ATF2: variants seen among roughly 807,000 people sequenced by gnomAD.
ATF2 encodes activating transcription factor 2.
In ATF2, 24 loss-of-function variants were observed where a neutral mutation model predicts 60.6. The ratio of observed to expected loss-of-function variants is 0.40; its 90% CI spans 0.29 to 0.56. The LOEUF (loss-of-function observed/expected upper bound fraction) is 0.56, where lower values mean the gene tolerates loss of function less well. ATF2 is among the 20% of genes least tolerant of loss of function. ATF2 has a pLI of 0.54. For synonymous variants in ATF2, 206 were observed against 215.4 expected (o/e 0.96, Z 0.38); for missense variants, 433 against 607.7 (o/e 0.71, Z 3.02).
chr2:175,088,715 GCTA>G (rs943870079), intron 12 of ATF2, among the ~76,000 whole-genome samples: 30 of 152,184 alleles, frequency 2.0e-4, no homozygotes, highest in African/African-American at 6.5e-4. Flanking sequence ...CTGTTAAGCA[GCTA>G]CTGTTAGTAA....
chr2:175,135,810 C>G (rs1698103719), intron 3 of ATF2, among the ~76,000 whole-genome samples: 1 of 152,098 alleles, frequency 6.6e-6, no homozygotes, highest in Admixed American at 6.6e-5. Context: ...AACTTGTTTT[C>G]TTTCTAGAAA....
chr2:175,086,136 T>A (rs1448633468), intron 12 of ATF2, among the ~76,000 whole-genome samples: 1 of 152,206 alleles, frequency 6.6e-6, no homozygotes, highest in Non-Finnish European at 1.5e-5. Context: ...TTTTTTACAT[T>A]GTCCTGATCT....
chr2:175,160,122 C>T (rs556014870), intron 1 of ATF2, among the ~76,000 whole-genome samples: 23 of 152,276 alleles, frequency 1.5e-4, no homozygotes, highest in Admixed American at 5.9e-4. Context: ...TGGTGGCTCA[C>T]GCCTGTAACC....
intron 12 of ATF2, among the ~76,000 whole-genome samples, chr2:175,085,528 A>G (rs1694093430): frequency 6.7e-6 from 1 of 148,922 alleles, no homozygotes; most frequent in Admixed American, 7.0e-5. Context: ...TCAAAAAAAT[A>G]AAATAAATAA....
At chr2:175,090,205 C>A (rs1233300908) in intron 12 of ATF2, among the ~76,000 whole-genome samples, 1 of 152,108 alleles carries the variant, frequency 6.6e-6, no homozygotes, top group Non-Finnish European at 1.5e-5. Context: ...AATATGCCAT[C>A]TCTCTCTATG....
chr2:175,094,420 A>AG (rs1694773509), intron 11 of ATF2, among the ~76,000 whole-genome samples: 2 of 149,604 alleles, frequency 1.3e-5, no homozygotes, highest in South Asian at 4.2e-4. Context: ...AAAAAAAAAA[A>AG]AAAAAAAAAG....
intron 2 of ATF2, among the ~76,000 whole-genome samples, chr2:175,147,130 T>C (rs1699014707): frequency 6.6e-6 from 1 of 152,194 alleles, no homozygotes; most frequent in Admixed American, 6.5e-5. Context: ...GGTGATATCA[T>C]ATAATCATTT....
At chr2:175,114,990 T>TTTGAG in intron 7 of ATF2, 122 bp from the exon 8 acceptor site, 1 of 796,046 alleles carries the variant, frequency 1.3e-6, no homozygotes, top group Non-Finnish European at 1.8e-6. Flanking sequence ...AGCAAATTAA[T>TTTGAG]ATCTCAAATT....
chr2:175,127,079 C>A (rs1255599954), intron 4 of ATF2: 1 of 151,002 alleles, frequency 6.6e-6, no homozygotes, highest in African/African-American at 2.4e-5. Flanking sequence ...AAAAAAAAAC[C>A]AAGCAAAAAA....
chr2:175,125,143 T>A (rs1232361871), intron 4 of ATF2, among the ~76,000 whole-genome samples: 1 of 152,094 alleles, frequency 6.6e-6, no homozygotes, highest in Non-Finnish European at 1.5e-5. Flanking sequence ...AAATTCAGAA[T>A]AATGTCATTG....
At chr2:175,147,943 G>A (rs1699063125) in intron 2 of ATF2, 1 of 152,118 alleles carries the variant, frequency 6.6e-6, no homozygotes, top group South Asian at 2.1e-4. Flanking sequence ...GGGAGATACT[G>A]ACCGAGTTAA....
intron 10 of ATF2, among the ~76,000 whole-genome samples, chr2:175,106,814 C>T (rs1049782735): frequency 2.0e-5 from 3 of 151,736 alleles, no homozygotes; most frequent in African/African-American, 2.4e-5. Flanking sequence ...CCAGCCTGGG[C>T]GACAGAGCAA....
chr2:175,083,937 A>G (rs555130213), intron 12 of ATF2, among the ~76,000 whole-genome samples: 1 of 152,196 alleles, frequency 6.6e-6, no homozygotes, highest in East Asian at 1.9e-4. Flanking sequence ...TCAAAACCAC[A>G]ATGAGATACC....
intron 2 of ATF2, among the ~76,000 whole-genome samples, chr2:175,140,769 A>C (rs1044894334): frequency 2.7e-5 from 4 of 150,254 alleles, no homozygotes; most frequent in African/African-American, 9.8e-5. Context: ...CAGAAGGATC[A>C]GAGGCCAGGA....
At chr2:175,158,033 G>A in intron 1 of ATF2, among the ~76,000 whole-genome samples, 1 of 151,766 alleles carries the variant, frequency 6.6e-6, no homozygotes, top group Non-Finnish European at 1.5e-5. Flanking sequence ...TGTAGGCACA[G>A]CCAAGGTGAA....
intron 2 of ATF2, among the ~76,000 whole-genome samples, chr2:175,146,946 G>GA (rs904785781): frequency 6.6e-6 from 1 of 151,874 alleles, no homozygotes; most frequent in Non-Finnish European, 1.5e-5. Flanking sequence ...CAGTAGTCAT[G>GA]AAAAAAACAC....
chr2:175,118,017 G>T lies in ATF2; in HGVS notation c.420C>A (p.His140Gln), dbSNP rs559363401. ...ETTHQDSPLPHPESTTSDEKE... is the reference protein window; with the variant it reads ...ETTHQDSPLPQPESTTSDEKE... The stretch of plus-strand genomic sequence containing the variant: ...TCTCATCACTGGTAGTAGACTCTGG[G>T]TGAGGTAAAGGACTATCCTGGTGAG... Residue 140 changes from histidine (H) to glutamine (Q), a missense_variant, in exon 7 of 14, where the codon CAC becomes CAA. Physicochemically the swap from His to Gln is conservative, Grantham distance 24. Coordinates refer to ENST00000264110, the MANE Select transcript of ATF2 (RefSeq NM_001880.4). The T allele has an allele frequency of 1.9e-6, 3 of 1,610,302 alleles. No homozygotes were observed. The highest frequency in any genetic ancestry group is 3.4e-5 in the Admixed American group (2 of 59,560).
chr2:175,114,444 A>C, intron 8 of ATF2: 6 of 1,249,156 alleles, frequency 4.8e-6, no homozygotes, highest in Non-Finnish European at 6.0e-6. Flanking sequence ...TTTTGTGTGA[A>C]ATAGCATGAA....
At chr2:175,132,150 AT>A (rs1163469354) in intron 3 of ATF2, among the ~76,000 whole-genome samples, 3 of 152,204 alleles carry the variant, frequency 2.0e-5, no homozygotes, top group Non-Finnish European at 2.9e-5. Context: ...AAAAAGGTAA[AT>A]ATTTTAGTAT....
Sources: gnomAD v4.1 joint callset for allele counts (sites outside exome capture counted in the v4.1 genomes callset) on GRCh38, gnomAD v4.1.1 for gene constraint, MANE v1.5 for transcripts, NCBI Gene and HGNC (gene_info 2026-07-23, HGNC 2026-07-21) for gene names.